C18orf54: variants seen among roughly 807,000 people sequenced by gnomAD.
C18orf54 encodes chromosome 18 open reading frame 54, also known as lung adenoma susceptibility protein 2.
C18orf54 carries 49 observed loss-of-function variants against 49.3 expected under a neutral mutation model. The observed-to-expected ratio is 0.99, with a 90% confidence interval of 0.79 to 1.26. C18orf54 has a LOEUF of 1.26. Ranked by LOEUF, C18orf54 falls within the 50% of genes most tolerant of loss-of-function variation. The probability of loss-of-function intolerance (pLI) is 0.00; values close to 1 mark genes in which losing one functional copy is unlikely to be tolerated. For synonymous variants in C18orf54, 211 were observed against 216.6 expected (o/e 0.97, Z 0.23); for missense variants, 687 against 620.6 (o/e 1.11, Z -1.14).
In C18orf54 at chr18:54,379,336, A is replaced by C. The variant is rs1284684395; in HGVS notation, c.*1090A>C. ...TACTGTGTGTATGTATAACTACTAC[A>C]GGTTAACACTTCACCCAAATGATAG... On this transcript the variant is annotated 3_prime_UTR_variant, in exon 9 of 9. Coordinates refer to ENST00000620105, the MANE Select transcript of C18orf54 (RefSeq NM_001288980.2). 1 of 152,132 alleles carries C rather than the reference A, an allele frequency of 6.6e-6. No individual in the cohort carries two copies. Among genetic ancestry groups the C allele is most frequent in the African/African-American group, 2.4e-5 (1 of 41,458 alleles). 9.4% of individuals were successfully genotyped at this position (152,132 alleles called of 1,614,324 possible). A position where few individuals can be genotyped will look rare whatever the true frequency, so the allele number is the denominator to read the frequency against.
At position 54,362,844 on chromosome 18, in the gene C18orf54, C is replaced by T; in HGVS notation, c.1146C>T (p.Ser382=). 6.2e-7 allele frequency: 1 copy of T among 1,612,030 alleles called. No individual in the cohort carries two copies. The highest frequency in any genetic ancestry group is 1.1e-5 in the South Asian group (1 of 90,736). Residue 382 remains serine, a synonymous_variant, in exon 5 of 9, where the codon TCC becomes TCT. Coordinates refer to ENST00000620105, the MANE Select transcript of C18orf54 (RefSeq NM_001288980.2). ...LEQCTEELPK[S]MKKDDSPCSL... ...AGTGTACTGAAGAATTACCAAAGTC[C>T]ATGAAAAAGGATGACAGTCCTTGCT... is the stretch of plus-strand genomic sequence containing the variant.
intron 8 of C18orf54, among the ~76,000 whole-genome samples, chr18:54,376,641 A>T (rs573670762): frequency 1.1e-4 from 16 of 152,316 alleles, no homozygotes; most frequent in African/African-American, 3.8e-4. Flanking sequence ...TGAATATTTT[A>T]AAATTTTAGT....
chr18:54,369,523 G>A (rs539825237), intron 6 of C18orf54, among the ~76,000 whole-genome samples: 30 of 127,602 alleles, frequency 2.4e-4, no homozygotes, highest in African/African-American at 6.0e-4. Context: ...AGGCTGGAGC[G>A]CAGTGGCACA....
chr18:54,368,390 G>A (rs2089425932), intron 6 of C18orf54, among the ~76,000 whole-genome samples: 1 of 151,900 alleles, frequency 6.6e-6, no homozygotes, highest in South Asian at 2.1e-4. Flanking sequence ...AGGTCTTTAG[G>A]ATCAGTCACT....
At chr18:54,363,525 C>T (rs988909604) in intron 5 of C18orf54, among the ~76,000 whole-genome samples, 3 of 152,056 alleles carry the variant, frequency 2.0e-5, no homozygotes, top group Non-Finnish European at 2.9e-5. Flanking sequence ...ACCATGTTGG[C>T]CAGGCTGGTC....
In C18orf54 at chr18:54,380,756, T is replaced by C. The variant is rs2144766873; in HGVS notation, c.*2510T>C. ...CATTATATGTAGTTATACCAAAATA[T>C]TGCCTGAAGATAAATCATGACAAGG... is the stretch of plus-strand genomic sequence containing the variant. On this transcript the variant is annotated 3_prime_UTR_variant, in exon 9 of 9. Transcript: ENST00000620105. The C allele has an allele frequency of 6.6e-6, 1 of 152,260 alleles. No homozygotes were observed. Among genetic ancestry groups the C allele is most frequent in the East Asian group, 1.9e-4 (1 of 5,186 alleles). The allele number at this position is 152,260 out of a possible 1,614,324, so 9.4% of individuals were successfully genotyped here. A position where few individuals can be genotyped will look rare whatever the true frequency, so the allele number is the denominator to read the frequency against.
rs553381758 is a variant in C18orf54 at position 54,362,399 on chromosome 18, T to C, written c.1040T>C (p.Leu347Pro). The change falls in exon 4 of 9, where the codon CTT (leucine) becomes CCT (proline). Residue 347 changes from leucine (L) to proline (P), a missense_variant. Transcript: ENST00000620105. ...AGCCAGTGTCAATGTGAGAATCCAC[T>C]TCTCCCAGGACAATCCACAAAGCCA... ...EHSQCQCENP[L>P]LPGQSTKPFS... The C allele has an allele frequency of 1.6e-4, 243 of 1,531,562 alleles. No individual in the cohort carries two copies. In the African/African-American group the frequency reaches 3.2e-3, roughly 20 times the overall value. 94.9% of individuals were successfully genotyped at this position (1,531,562 alleles called of 1,614,324 possible).
Position 54,361,627 on chromosome 18 carries a change from G to C in C18orf54, c.284-16G>C, listed in dbSNP as rs551981374. 1 of 1,564,086 alleles carries C rather than the reference G, an allele frequency of 6.4e-7. No individual in the cohort carries two copies. The highest frequency in any genetic ancestry group is 8.6e-7 in the Non-Finnish European group (1 of 1,157,554). ...ATATTTGTATGTAATAAACAAAACTGTTCTTCGTTTTTCAGCTTTTGAAAA... is the reference window on the plus strand; with the variant it reads ...ATATTTGTATGTAATAAACAAAACTCTTCTTCGTTTTTCAGCTTTTGAAAA... On this transcript the variant is annotated splice_polypyrimidine_tract_variant and intron_variant, in intron 3 of 8. Transcript: ENST00000620105.
rs1304364384 is a variant in C18orf54 at position 54,381,878 on chromosome 18, T to A, written c.*3632T>A. 2 of 152,162 alleles carry A rather than the reference T, an allele frequency of 1.3e-5. No homozygotes were observed. The highest frequency in any genetic ancestry group is 1.5e-5 in the Non-Finnish European group (1 of 68,030). The allele number at this position is 152,162 out of a possible 1,614,324, so 9.4% of individuals were successfully genotyped here. A position where few individuals can be genotyped will look rare whatever the true frequency, so the allele number is the denominator to read the frequency against. On this transcript the variant is annotated 3_prime_UTR_variant, in exon 9 of 9. Transcript: ENST00000620105. ...ATGTTAGATGATTGATTGTTTTATC[T>A]CCTTGATGATAGCACCTCTTATACT...
At chr18:54,361,377 ATGAAAGT>A (rs1363846058) in intron 3 of C18orf54, among the ~76,000 whole-genome samples, 1 of 152,190 alleles carries the variant, frequency 6.6e-6, no homozygotes, top group East Asian at 1.9e-4. Flanking sequence ...TGTCTAGATG[ATGAAAGT>A]TGAAGGAACA....
At position 54,365,734 on chromosome 18, in the gene C18orf54, C is replaced by T. The variant is rs374556847; in HGVS notation, c.1239C>T (p.Pro413=). The T allele has an allele frequency of 8.2e-5, 131 of 1,589,864 alleles. No homozygotes were observed. Among genetic ancestry groups the T allele is most frequent in the African/African-American group, 1.1e-4 (8 of 74,596 alleles). ...TCCTGTTTAGCAAATCTCCTGTTCC[C>T]GTTAACTCTGATGATAGTCCTCAAC... ...NIPVTFKSPV[P]VNSDDSPQQT... Residue 413 remains proline, a synonymous_variant, in exon 6 of 9, where the codon CCC becomes CCT. Coordinates refer to ENST00000620105, the MANE Select transcript of C18orf54 (RefSeq NM_001288980.2).
chr18:54,361,863 A>G lies in C18orf54; in HGVS notation c.504A>G (p.Pro168=), dbSNP rs533359732. The G allele has an allele frequency of 5.6e-6, 9 of 1,613,970 alleles. No individual in the cohort carries two copies. The South Asian group carries it at 7.7e-5, about 14-fold the overall frequency. Residue 168 remains proline, a synonymous_variant, in exon 4 of 9, where the codon CCA becomes CCG. Transcript: ENST00000620105. The part of the protein sequence containing the change: ...RLGSLDIEKN[P]HFQGPYTSMG... ...GTTCATTGGACATTGAGAAGAATCCACATTTTCAAGGACCCTACACTTCCA... is the reference window on the plus strand; with the variant it reads ...GTTCATTGGACATTGAGAAGAATCCGCATTTTCAAGGACCCTACACTTCCA...
At position 54,380,436 on chromosome 18, in the gene C18orf54, C is replaced by T. The variant is rs2089647983; in HGVS notation, c.*2190C>T. 7.3e-5 allele frequency: 5 copies of T among 68,838 alleles called. No homozygotes were observed. The South Asian group carries it at 2.2e-3, about 31-fold the overall frequency. The allele number at this position is 68,838 out of a possible 1,614,324, so 4.3% of individuals were successfully genotyped here. On this transcript the variant is annotated 3_prime_UTR_variant, in exon 9 of 9. Coordinates refer to ENST00000620105, the MANE Select transcript of C18orf54 (RefSeq NM_001288980.2). ...GTTTCAGATCTTTGAGTATGAAAAA[C>T]ATAACAAAAAAAGCCTAATTTCAAA...
In C18orf54 at chr18:54,378,299, C is replaced by A; in HGVS notation, c.*53C>A. 6.9e-7 allele frequency: 1 copy of A among 1,455,066 alleles called. No homozygotes were observed. The allele number at this position is 1,455,066 out of a possible 1,614,324, so 90.1% of individuals were successfully genotyped here. On this transcript the variant is annotated 3_prime_UTR_variant, in exon 9 of 9. Transcript: ENST00000620105. The stretch of plus-strand genomic sequence containing the variant: ...GAATAGTCACCACAGAACAAATAGG[C>A]ATTTTTTCTATTACTTAAACTGACA...
rs1028113784 is a variant in C18orf54, at chr18:54,381,127, C to T, written c.*2881C>T. ...GATTGGAGTAAATTGAGGCCTAATC[C>T]TGAACACATATAGAGCATATTGTTA... On this transcript the variant is annotated 3_prime_UTR_variant, in exon 9 of 9. Coordinates refer to ENST00000620105, the MANE Select transcript of C18orf54 (RefSeq NM_001288980.2). 3 of 152,056 alleles carry T rather than the reference C, an allele frequency of 2.0e-5. No individual in the cohort carries two copies. In the East Asian group the frequency reaches 5.8e-4, roughly 29 times the overall value. The allele number at this position is 152,056 out of a possible 1,614,324, so 9.4% of individuals were successfully genotyped here.
intron 6 of C18orf54, among the ~76,000 whole-genome samples, chr18:54,367,031 CTT>C (rs1174910092): frequency 6.6e-6 from 1 of 152,040 alleles, no homozygotes; most frequent in Admixed American, 6.6e-5. Flanking sequence ...CATTCATTCA[CTT>C]TATGTGTATC....
chr18:54,372,599 T>G lies in C18orf54; in HGVS notation c.1458+2T>G, dbSNP rs1428021260. The G allele has an allele frequency of 6.3e-7, 1 of 1,589,042 alleles. No individual in the cohort carries two copies. The highest frequency in any genetic ancestry group is 8.6e-7 in the Non-Finnish European group (1 of 1,167,768). On this transcript the variant is annotated splice_donor_variant, in intron 7 of 8. Coordinates refer to ENST00000620105, the MANE Select transcript of C18orf54 (RefSeq NM_001288980.2). LOFTEE classifies it high-confidence loss of function. ...GATCCAAAAGAAGAGATTAAACAAG[T>G]AAGCACAAACATGATTTATGAATTG... is the stretch of plus-strand genomic sequence containing the variant.
chr18:54,364,583 A>G (rs1039644098), intron 5 of C18orf54, among the ~76,000 whole-genome samples: 2 of 152,138 alleles, frequency 1.3e-5, no homozygotes, highest in African/African-American at 4.8e-5. Flanking sequence ...TACTCAAGGT[A>G]GTATTTTAAG....
chr18:54,361,582 T>A, intron 3 of C18orf54, 61 bp from the exon 4 acceptor site: 1 of 1,366,698 alleles, frequency 7.3e-7, no homozygotes, highest in Non-Finnish European at 9.8e-7. Context: ...TAATTCTCAT[T>A]TACTGTTGGA....
Sources: allele counts gnomAD v4.1 joint callset (sites outside exome capture counted in the v4.1 genomes callset), GRCh38; gene constraint gnomAD v4.1.1; transcripts MANE v1.5; gene names NCBI Gene and HGNC (gene_info 2026-07-23, HGNC 2026-07-21).